Variants in HECW2 observed in about 807,000 individuals in gnomAD.
HECW2 encodes the protein HECT, C2 and WW domain containing E3 ubiquitin protein ligase 2.
Under a neutral mutation model 175.2 loss-of-function variants are expected in HECW2, and 61 were observed. The observed-to-expected ratio is 0.35, with a 90% confidence interval of 0.28 to 0.43. The LOEUF is 0.43. Ranked by LOEUF, HECW2 falls within the 20% of genes least tolerant of loss-of-function variation. The probability of loss-of-function intolerance (pLI) is 1.00; values close to 1 mark genes in which losing one functional copy is unlikely to be tolerated. For missense variants in HECW2, 1,524 were observed against 2,000.5 expected (o/e 0.76, Z 4.54); for synonymous variants, 671 against 731.0 (o/e 0.92, Z 1.32).
At chr2:196,412,523 A>G (rs1288485313) in intron 2 of HECW2, among the ~76,000 whole-genome samples, 1 of 152,214 alleles carries the variant, frequency 6.6e-6, no homozygotes, top group Non-Finnish European at 1.5e-5. Context: ...AGAGTTTATC[A>G]TCCCATTTTG....
chr2:196,492,072 A>T (rs1290155822), intron 1 of HECW2, among the ~76,000 whole-genome samples: 1 of 152,236 alleles, frequency 6.6e-6, no homozygotes, highest in Non-Finnish European at 1.5e-5. Flanking sequence ...ATACACCACC[A>T]TTTAATGTTT....
chr2:196,478,134 G>A lies in HECW2; in HGVS notation c.-35-44676C>T, dbSNP rs925417285. Among the ~76,000 whole-genome samples, 4 of 152,052 alleles carry A rather than the reference G, an allele frequency of 2.6e-5. No individual in the cohort carries two copies. The East Asian group carries it at 5.8e-4, about 22-fold the overall frequency. ...AGTACACAAGTCCCACTCATGAACC[G>A]TGTCTCTAAAGAAACTTAGACACTT... On this transcript the variant is annotated intron_variant, in intron 1 of 28. Transcript: ENST00000644978.
In HECW2 at chr2:196,546,282, G is replaced by T. The variant is rs148656144; in HGVS notation, c.-36+47226C>A. ...TAACCCAAGCCACAAAGAGAAGCAA[G>T]TAGTTCTCTCCCCAAACCTTTGTCA... On this transcript the variant is annotated intron_variant, in intron 1 of 28. Coordinates refer to ENST00000644978, the MANE Select transcript of HECW2 (RefSeq NM_001348768.2). 6.0e-4 allele frequency among the ~76,000 whole-genome samples: 91 copies of T among 152,300 alleles called. No homozygotes were observed. The East Asian group carries it at 9.3e-3, about 15-fold the overall frequency.
At chr2:196,266,406 C>G (rs981927336) in intron 17 of HECW2, among the ~76,000 whole-genome samples, 1 of 151,828 alleles carries the variant, frequency 6.6e-6, no homozygotes, top group Non-Finnish European at 1.5e-5. Flanking sequence ...TGTAAACTGT[C>G]TGTAGGAAAA....
At chr2:196,492,917 A>G (rs1347614884) in intron 1 of HECW2, among the ~76,000 whole-genome samples, 1 of 152,238 alleles carries the variant, frequency 6.6e-6, no homozygotes, top group Non-Finnish European at 1.5e-5. Context: ...ATGTTAGAGA[A>G]CAGAGATGTT....
chr2:196,504,528 T>C (rs1321838725), intron 1 of HECW2, among the ~76,000 whole-genome samples: 2 of 152,154 alleles, frequency 1.3e-5, no homozygotes, highest in Non-Finnish European at 2.9e-5. Context: ...TTCCTCTCTC[T>C]CTATCTATCC....
intron 2 of HECW2, among the ~76,000 whole-genome samples, chr2:196,373,097 T>C (rs1436041341): frequency 6.6e-6 from 1 of 152,194 alleles, no homozygotes; most frequent in Non-Finnish European, 1.5e-5. Context: ...AGGAAGACTC[T>C]AAATCACTGA....
chr2:196,568,384 G>A (rs984899700), intron 1 of HECW2, among the ~76,000 whole-genome samples: 1 of 152,164 alleles, frequency 6.6e-6, no homozygotes, highest in Non-Finnish European at 1.5e-5. Flanking sequence ...CCTGAAGTGT[G>A]AGTAAAATAC....
intron 1 of HECW2, among the ~76,000 whole-genome samples, chr2:196,518,554 C>T (rs536086651): frequency 6.8e-6 from 1 of 146,124 alleles, no homozygotes; most frequent in Non-Finnish European, 1.5e-5. Context: ...ACTCGGGAGG[C>T]GGAGACAGAA....
chr2:196,318,777 C>G lies in HECW2; in HGVS notation c.2113G>C (p.Gly705Arg). ...EGSQESVCTA[G>R]SLPVVQVPSG... ...GGCACCTGTACCACAGGTAAAGAACCAGCAGTGCACACGGATTCCTGCGAC... is the reference window on the plus strand; with the variant it reads ...GGCACCTGTACCACAGGTAAAGAACGAGCAGTGCACACGGATTCCTGCGAC... The change falls in exon 9 of 29, where the codon GGT becomes CGT. Residue 705 changes from glycine to arginine, a missense_variant. This residue lies in a region of HECW2 where 604 missense variants were observed against 588.3 expected (regional missense o/e 1.03). Coordinates refer to ENST00000644978, the MANE Select transcript of HECW2 (RefSeq NM_001348768.2). The G allele has an allele frequency of 6.6e-7, 1 of 1,526,644 alleles. No homozygotes were observed. The allele number at this position is 1,526,644 out of a possible 1,614,324, so 94.6% of individuals were successfully genotyped here. A position where few individuals can be genotyped will look rare whatever the true frequency, so the allele number is the denominator to read the frequency against.
chr2:196,278,706 C>A, intron 14 of HECW2, 44 bp from the exon 15 acceptor site: 1 of 1,606,594 alleles, frequency 6.2e-7, no homozygotes. Context: ...GCTCACATGT[C>A]TTAGCTGACT....
At chr2:196,359,080 T>C (rs1272390802) in intron 2 of HECW2, among the ~76,000 whole-genome samples, 3 of 152,232 alleles carry the variant, frequency 2.0e-5, no homozygotes, top group Non-Finnish European at 2.9e-5. Flanking sequence ...CTTGTCACTA[T>C]GTGTGTAAAG....
intron 1 of HECW2, among the ~76,000 whole-genome samples, chr2:196,445,005 C>T (rs1192880418): frequency 1.3e-5 from 2 of 152,212 alleles, no homozygotes; most frequent in Non-Finnish European, 2.9e-5. Context: ...ATTCTTACCA[C>T]CTGCTCCATC....
At chr2:196,498,979 C>G (rs1225658211) in intron 1 of HECW2, among the ~76,000 whole-genome samples, 1 of 152,040 alleles carries the variant, frequency 6.6e-6, no homozygotes, top group African/African-American at 2.4e-5. Context: ...CAGTTTCAAC[C>G]CCCCTATAAT....
intron 1 of HECW2, among the ~76,000 whole-genome samples, chr2:196,574,930 G>T (rs560795563): frequency 6.6e-6 from 1 of 151,986 alleles, no homozygotes; most frequent in East Asian, 1.9e-4. Flanking sequence ...ACAGGGAAAG[G>T]ATAGTCATTT....
chr2:196,238,228 C>T (rs935354323), intron 21 of HECW2, among the ~76,000 whole-genome samples: 1 of 151,984 alleles, frequency 6.6e-6, no homozygotes, highest in African/African-American at 2.4e-5. Flanking sequence ...GACTCTGTCT[C>T]AAAAAACAAA....
intron 2 of HECW2, among the ~76,000 whole-genome samples, chr2:196,389,448 A>G (rs1284648608): frequency 6.6e-6 from 1 of 152,156 alleles, no homozygotes; most frequent in Non-Finnish European, 1.5e-5. Context: ...GAAGTTCAAA[A>G]CATGCATTAG....
intron 1 of HECW2, among the ~76,000 whole-genome samples, chr2:196,535,933 T>A (rs1314807631): frequency 6.6e-6 from 1 of 152,062 alleles, no homozygotes; most frequent in African/African-American, 2.4e-5. Flanking sequence ...AAAATCTACC[T>A]CCAGGGGGAT....
chr2:196,421,928 C>T (rs983026613), intron 2 of HECW2, among the ~76,000 whole-genome samples: 1 of 152,060 alleles, frequency 6.6e-6, no homozygotes, highest in South Asian at 2.1e-4. Context: ...CTTTCATAAC[C>T]ATTTTGAACA....
Sources: gnomAD v4.1 joint callset for allele counts (sites outside exome capture counted in the v4.1 genomes callset) on GRCh38, gnomAD v4.1.1 for gene constraint, gnomAD v4.1.1 regional missense constraint, MANE v1.5 for transcripts, NCBI Gene and HGNC (gene_info 2026-07-23, HGNC 2026-07-21) for gene names.